Variants in KHDRBS2 observed in about 807,000 individuals in gnomAD.
The protein encoded by KHDRBS2 is KH RNA binding domain containing, signal transduction associated 2.
A neutral mutation model predicts 44.3 loss-of-function variants in KHDRBS2; 26 were observed. The ratio of observed to expected loss-of-function variants is 0.59; its 90% confidence interval spans 0.43 to 0.81. The LOEUF is 0.81. Among genes scored for constraint, KHDRBS2 ranks in the 40% least tolerant of loss-of-function variants. The pLI is 0.00. For missense variants in KHDRBS2, 476 were observed against 433.1 expected, an observed-to-expected ratio of 1.10 and a Z score of -0.88; for synonymous variants, 194 against 151.1, an observed-to-expected ratio of 1.28 and a Z score of -2.08.
chr6:61,945,150 T>TACACACACACAC (rs1554284675), intron 4 of KHDRBS2, among the ~76,000 whole-genome samples: 2 of 87,012 alleles, frequency 2.3e-5, no homozygotes, highest in African/African-American at 8.6e-5. Flanking sequence ...TATATATATA[T>TACACACACACAC]ACACACAGAC....
At chr6:62,125,643 TG>T (rs1278884618) in intron 2 of KHDRBS2, among the ~76,000 whole-genome samples, 1 of 152,076 alleles carries the variant, frequency 6.6e-6, no homozygotes, top group East Asian at 1.9e-4. Flanking sequence ...ATGACTTGGT[TG>T]CCAGCTCACC....
Position 62,286,054 on chromosome 6 carries a change from G to C in KHDRBS2, c.-106C>G. The C allele has an allele frequency of 1.4e-6, 1 of 718,890 alleles. No homozygotes were observed. Among genetic ancestry groups the C allele is most frequent in the Non-Finnish European group, 2.5e-6 (1 of 406,958 alleles). The allele number at this position is 718,890 out of a possible 1,614,324, so 44.5% of individuals were successfully genotyped here. On this transcript the variant is annotated 5_prime_UTR_variant, in exon 1 of 9. Coordinates refer to ENST00000281156, the MANE Select transcript of KHDRBS2 (RefSeq NM_152688.4). The stretch of plus-strand genomic sequence containing the variant: ...GGCTCCCGCGCTGCTCCTCCTCCGC[G>C]CGGCGAGGGATCTCTGTGCGTCCTC...
chr6:61,782,310 T>A (rs1311807673), intron 6 of KHDRBS2, among the ~76,000 whole-genome samples: 1 of 152,070 alleles, frequency 6.6e-6, no homozygotes, highest in East Asian at 1.9e-4. Flanking sequence ...GTTATGTCAC[T>A]TCATGGGTTT....
intron 3 of KHDRBS2, among the ~76,000 whole-genome samples, chr6:62,045,320 T>G (rs533759313): frequency 6.6e-5 from 10 of 152,174 alleles, no homozygotes; most frequent in Admixed American, 6.6e-4. Context: ...TGGTTATACA[T>G]AAAGTACAGA....
intron 5 of KHDRBS2, among the ~76,000 whole-genome samples, chr6:61,900,753 C>A (rs1284544564): frequency 6.6e-6 from 1 of 152,134 alleles, no homozygotes. Flanking sequence ...ACTTCCTTAT[C>A]TGGGAAGACT....
intron 2 of KHDRBS2, among the ~76,000 whole-genome samples, chr6:62,090,530 CA>C (rs1487005634): frequency 6.6e-6 from 1 of 151,762 alleles, no homozygotes; most frequent in Non-Finnish European, 1.5e-5. Flanking sequence ...CTCTACCTCC[CA>C]ATAACACCTA....
At chr6:62,255,127 C>T (rs1191360955) in intron 1 of KHDRBS2, among the ~76,000 whole-genome samples, 1 of 151,972 alleles carries the variant, frequency 6.6e-6, no homozygotes, top group Non-Finnish European at 1.5e-5. Context: ...AATAAACAGG[C>T]AGCTTTCAAT....
At chr6:61,801,402 G>A (rs1467344429) in intron 6 of KHDRBS2, among the ~76,000 whole-genome samples, 1 of 152,142 alleles carries the variant, frequency 6.6e-6, no homozygotes, top group Non-Finnish European at 1.5e-5. Context: ...GAGCTTTCTA[G>A]AGAAGGTGCT....
chr6:62,029,044 T>G (rs1201592286), intron 3 of KHDRBS2, among the ~76,000 whole-genome samples: 1 of 152,048 alleles, frequency 6.6e-6, no homozygotes, highest in African/African-American at 2.4e-5. Flanking sequence ...GCAAATTACA[T>G]TCTTCAAACC....
At position 62,165,937 on chromosome 6, in the gene KHDRBS2, C is replaced by T. The variant is rs369402476; in HGVS notation, c.219+11248G>A. Among the ~76,000 whole-genome samples the T allele has an allele frequency of 1.8e-3, 278 of 152,076 alleles. 7 individuals are homozygous for T. In the South Asian group the frequency reaches 0.051, roughly 28 times the overall value. ...GTTTTCATCACTCCAAACAAAAACT[C>T]GGTACCCATTAATGAACAATTTATC... On this transcript the variant is annotated intron_variant, in intron 2 of 8. Coordinates refer to ENST00000281156, the MANE Select transcript of KHDRBS2 (RefSeq NM_152688.4).
At chr6:61,577,169 C>G in the KHDRBS2 span, among the ~76,000 whole-genome samples, 1 of 149,686 alleles carries the variant, frequency 6.7e-6, no homozygotes, top group South Asian at 2.1e-4. Context: ...ATCAAGTTTT[C>G]TTTTAGTACT....
chr6:62,007,686 AACTAAAATTC>A (rs67774946), intron 3 of KHDRBS2, among the ~76,000 whole-genome samples: 37,833 of 151,848 alleles, frequency 0.25, 4,833 homozygotes, highest in Admixed American at 0.34. Flanking sequence ...AGGGAATATC[AACTAAAATTC>A]ACAAGAAGAA....
chr6:61,798,542 GCTCT>G (rs763047761), intron 6 of KHDRBS2, among the ~76,000 whole-genome samples: 1 of 152,010 alleles, frequency 6.6e-6, no homozygotes, highest in Non-Finnish European at 1.5e-5. Flanking sequence ...TGCATTTTAT[GCTCT>G]CTACTACAGT....
At chr6:61,657,304 TATC>T in the KHDRBS2 span, among the ~76,000 whole-genome samples, 1 of 152,172 alleles carries the variant, frequency 6.6e-6, no homozygotes, top group South Asian at 2.1e-4. Context: ...CAAAGCTTTC[TATC>T]ATCAAGTCAC....
At chr6:62,125,536 C>T (rs1169460484) in intron 2 of KHDRBS2, among the ~76,000 whole-genome samples, 4 of 152,202 alleles carry the variant, frequency 2.6e-5, no homozygotes, top group East Asian at 1.9e-4. Context: ...GTAGTGCTTG[C>T]ACCACCCATC....
At chr6:61,993,148 G>A (rs1278482788) in intron 3 of KHDRBS2, among the ~76,000 whole-genome samples, 2 of 152,118 alleles carry the variant, frequency 1.3e-5, no homozygotes, top group South Asian at 2.1e-4. Context: ...AGTATGGGAG[G>A]AAGAGCAAAG....
intron 2 of KHDRBS2, among the ~76,000 whole-genome samples, chr6:62,056,934 T>C (rs1332935148): frequency 6.6e-6 from 1 of 152,010 alleles, no homozygotes; most frequent in Admixed American, 6.6e-5. Flanking sequence ...AGTTATTTTA[T>C]TTTTAACCAA....
chr6:62,021,187 A>G (rs1373918174), intron 3 of KHDRBS2, among the ~76,000 whole-genome samples: 1 of 151,832 alleles, frequency 6.6e-6, no homozygotes, highest in Non-Finnish European at 1.5e-5. Flanking sequence ...ACATATTCCC[A>G]CTTAGTGGGA....
intron 6 of KHDRBS2, among the ~76,000 whole-genome samples, chr6:61,849,626 A>G (rs909961872): frequency 1.3e-5 from 2 of 148,260 alleles, no homozygotes; most frequent in Non-Finnish European, 3.0e-5. Flanking sequence ...ACTTCAGAGA[A>G]ACAAAGTTTT....
Sources: allele counts gnomAD v4.1 joint callset (sites outside exome capture counted in the v4.1 genomes callset), GRCh38; gene constraint gnomAD v4.1.1; transcripts MANE v1.5; gene names NCBI Gene and HGNC (gene_info 2026-07-23, HGNC 2026-07-21).